The following CYTH1 variants were observed in gnomAD, a reference collection of about 807,000 sequenced individuals.
CYTH1 encodes the protein cytohesin-1.
Under a neutral mutation model 61.8 loss-of-function variants are expected in CYTH1, and 18 were observed. The ratio of observed to expected loss-of-function variants is 0.29; its 90% CI spans 0.20 to 0.43. The LOEUF is 0.43. CYTH1 is among the 20% of genes least tolerant of loss of function. The pLI, the probability that CYTH1 is intolerant of heterozygous loss-of-function variation, is 1.00. For synonymous variants in CYTH1, 174 were observed against 184.3 expected, an observed-to-expected ratio of 0.94 and a Z score of 0.45; for missense variants, 336 against 510.5, an observed-to-expected ratio of 0.66 and a Z score of 3.29.
chr17:78,719,947 G>C (rs958170117), intron 1 of CYTH1, among the ~76,000 whole-genome samples: 1 of 152,172 alleles, frequency 6.6e-6, no homozygotes, highest in African/African-American at 2.4e-5. Context: ...AGGAAATTCT[G>C]ATGTATGCTA....
intron 3 of CYTH1, among the ~76,000 whole-genome samples, chr17:78,707,039 A>C (rs2093074528): frequency 6.6e-6 from 1 of 152,228 alleles, no homozygotes; most frequent in Non-Finnish European, 1.5e-5. Context: ...GAAGTTTTAA[A>C]TTTTTATGAA....
At chr17:78,733,076 C>CAAAAA (rs56020680) in intron 1 of CYTH1, among the ~76,000 whole-genome samples, 19 of 47,724 alleles carry the variant, frequency 4.0e-4, no homozygotes, top group South Asian at 1.3e-3. Flanking sequence ...GACTCCATCT[C>CAAAAA]AAAAAAAAAA....
intron 1 of CYTH1, among the ~76,000 whole-genome samples, chr17:78,734,712 T>A (rs906789441): frequency 2.6e-5 from 4 of 152,130 alleles, no homozygotes; most frequent in African/African-American, 9.7e-5. Flanking sequence ...AGTGCTGGGA[T>A]TATCAGTGTG....
chr17:78,765,634 G>T (rs187513315), intron 1 of CYTH1, among the ~76,000 whole-genome samples: 2 of 152,250 alleles, frequency 1.3e-5, no homozygotes, highest in East Asian at 3.9e-4. Context: ...TTTATTGTCA[G>T]TTTGCTGTCC....
intron 1 of CYTH1, among the ~76,000 whole-genome samples, chr17:78,734,604 T>C (rs1190329299): frequency 1.3e-5 from 2 of 151,854 alleles, no homozygotes; most frequent in African/African-American, 4.8e-5. Flanking sequence ...CACACCCGGC[T>C]AATTTTTGTA....
chr17:78,779,798 G>A (rs961645863), intron 1 of CYTH1, among the ~76,000 whole-genome samples: 1 of 152,170 alleles, frequency 6.6e-6, no homozygotes, highest in African/African-American at 2.4e-5. Flanking sequence ...CAGCCTGTCC[G>A]ACACCTTGGC....
At chr17:78,749,549 T>G (rs1598907038) in intron 1 of CYTH1, among the ~76,000 whole-genome samples, 1 of 151,988 alleles carries the variant, frequency 6.6e-6, no homozygotes, top group Non-Finnish European at 1.5e-5. Context: ...GAGGATTGCT[T>G]GAGCCCACAG....
At chr17:78,689,995 A>G (rs1222321856) in intron 11 of CYTH1, among the ~76,000 whole-genome samples, 2 of 151,644 alleles carry the variant, frequency 1.3e-5, no homozygotes, top group South Asian at 2.1e-4. Flanking sequence ...CAGTGCACTG[A>G]ATTCGTTCTG....
intron 1 of CYTH1, among the ~76,000 whole-genome samples, chr17:78,770,564 G>A (rs531735706): frequency 2.9e-4 from 44 of 151,954 alleles, no homozygotes; most frequent in African/African-American, 8.2e-4. Context: ...GACTACAGGC[G>A]TGCGCCATCA....
intron 1 of CYTH1, among the ~76,000 whole-genome samples, chr17:78,755,234 A>G (rs1433542456): frequency 6.6e-6 from 1 of 152,116 alleles, no homozygotes; most frequent in East Asian, 1.9e-4. Context: ...GGAGTGCAAT[A>G]GCGCAATCTC....
intron 1 of CYTH1, among the ~76,000 whole-genome samples, chr17:78,767,532 C>T (rs538060962): frequency 3.4e-5 from 5 of 149,150 alleles, no homozygotes; most frequent in South Asian, 4.2e-4. Flanking sequence ...TCTGAACAAA[C>T]GGATGAATAG....
Position 78,694,003 on chromosome 17 carries a change from C to T in CYTH1, c.815-1510G>A, listed in dbSNP as rs539721826. Among the ~76,000 whole-genome samples the T allele has an allele frequency of 2.6e-5, 4 of 152,318 alleles. No individual in the cohort carries two copies. The South Asian group carries it at 8.3e-4, about 32-fold the overall frequency. ...ATCATGCTTTCTCTCTTGCCCTCATCACAAATAGCTGAGCAAAGAGGAGAA... is the reference window on the plus strand; with the variant it reads ...ATCATGCTTTCTCTCTTGCCCTCATTACAAATAGCTGAGCAAAGAGGAGAA... On this transcript the variant is annotated intron_variant, in intron 10 of 13. Transcript: ENST00000446868.
chr17:78,699,417 G>A (rs1036131202), intron 7 of CYTH1, among the ~76,000 whole-genome samples: 15 of 151,924 alleles, frequency 9.9e-5, no homozygotes, highest in South Asian at 2.1e-4. Flanking sequence ...CCACATGTAC[G>A]GGTACACTCC....
intron 1 of CYTH1, among the ~76,000 whole-genome samples, chr17:78,746,145 G>C (rs2093358743): frequency 6.6e-6 from 1 of 152,086 alleles, no homozygotes; most frequent in Admixed American, 6.6e-5. Flanking sequence ...TAAATAATAA[G>C]TAACATGCTA....
chr17:78,721,286 G>C (rs537015811), intron 1 of CYTH1, among the ~76,000 whole-genome samples: 2 of 152,114 alleles, frequency 1.3e-5, no homozygotes, highest in South Asian at 2.1e-4. Context: ...GCCGAGATCG[G>C]GCCATTGCAC....
intron 1 of CYTH1, among the ~76,000 whole-genome samples, chr17:78,744,274 C>G (rs545063745): frequency 6.6e-6 from 1 of 152,202 alleles, no homozygotes; most frequent in Admixed American, 6.5e-5. Context: ...TGAACACTTT[C>G]AAACCACCCT....
intron 11 of CYTH1, among the ~76,000 whole-genome samples, chr17:78,687,486 T>C (rs1019065138): frequency 6.6e-6 from 1 of 152,240 alleles, no homozygotes; most frequent in African/African-American, 2.4e-5. Context: ...CTTCTAGCAT[T>C]GGCCAAGGTG....
chr17:78,726,567 A>G (rs1184864952), intron 1 of CYTH1, among the ~76,000 whole-genome samples: 2 of 152,124 alleles, frequency 1.3e-5, no homozygotes, highest in East Asian at 1.9e-4. Flanking sequence ...TGGGGCTCAG[A>G]GAAGAGCAGG....
rs148150184 is a variant in CYTH1 at position 78,776,427 on chromosome 17, C to T, written c.22+5775G>A. On this transcript the variant is annotated intron_variant, in intron 1 of 13. Transcript: ENST00000446868. ...ATCCCGGCACTTTGGGAGGCTGAGGCGGGCAGATCATTTGAGGTCAGGAGT... is the reference window on the plus strand; with the variant it reads ...ATCCCGGCACTTTGGGAGGCTGAGGTGGGCAGATCATTTGAGGTCAGGAGT... 2.3e-3 allele frequency among the ~76,000 whole-genome samples: 352 copies of T among 151,708 alleles called. 5 individuals are homozygous for T. The highest frequency in any genetic ancestry group is 8.3e-3 in the African/African-American group (344 of 41,380).
Sources: gnomAD v4.1 joint callset for allele counts (sites outside exome capture counted in the v4.1 genomes callset) on GRCh38, gnomAD v4.1.1 for gene constraint, MANE v1.5 for transcripts, NCBI Gene and HGNC (gene_info 2026-07-23, HGNC 2026-07-21) for gene names.